COL23A1: variants seen among roughly 807,000 people sequenced by gnomAD.
COL23A1 encodes the protein collagen alpha-1(XXIII) chain.
A neutral mutation model predicts 99.3 loss-of-function variants in COL23A1; 97 were observed. The observed-to-expected ratio is 0.98, with a 90% CI of 0.83 to 1.16. The LOEUF (loss-of-function observed/expected upper bound fraction) is 1.16, where lower values mean the gene tolerates loss of function less well. Ranked by LOEUF, COL23A1 falls within the 50% of genes most tolerant of loss-of-function variation. COL23A1 has a pLI of 0.00. For missense variants in COL23A1, 762 were observed against 757.4 expected (o/e 1.01, Z -0.07); for synonymous variants, 320 against 308.2 (o/e 1.04, Z -0.40).
chr5:178,496,326 A>G (rs1167704933), intron 2 of COL23A1, among the ~76,000 whole-genome samples: 1 of 152,150 alleles, frequency 6.6e-6, no homozygotes, highest in East Asian at 1.9e-4. Flanking sequence ...AATGAAGGGA[A>G]AGGGAGGTAA....
rs375478454 is a variant in COL23A1 at position 178,571,643 on chromosome 5, A to G, written c.295-10895T>C. ...AGGAAAATAGGCCCTATGATGAACAAAAAAATTAATTAATTGAAACTGGCC... is the reference window on the plus strand; with the variant it reads ...AGGAAAATAGGCCCTATGATGAACAGAAAAATTAATTAATTGAAACTGGCC... On this transcript the variant is annotated intron_variant, in intron 1 of 28. Coordinates refer to ENST00000390654, the MANE Select transcript of COL23A1 (RefSeq NM_173465.4). 3.9e-4 allele frequency among the ~76,000 whole-genome samples: 59 copies of G among 152,310 alleles called. 2 individuals are homozygous for G. The South Asian group carries it at 0.012, about 31-fold the overall frequency.
intron 2 of COL23A1, among the ~76,000 whole-genome samples, chr5:178,429,073 G>A (rs1019187117): frequency 3.0e-4 from 46 of 152,292 alleles, no homozygotes; most frequent in African/African-American, 1.1e-3. Flanking sequence ...GGTGCGGGGA[G>A]GGCCAGGCAA....
At chr5:178,584,159 G>A (rs1481472930) in intron 1 of COL23A1, among the ~76,000 whole-genome samples, 3 of 152,260 alleles carry the variant, frequency 2.0e-5, no homozygotes, top group African/African-American at 7.2e-5. Context: ...ACAGGCACAT[G>A]TCACCATGCC....
At chr5:178,422,376 C>T (rs1431447205) in intron 2 of COL23A1, among the ~76,000 whole-genome samples, 3 of 152,182 alleles carry the variant, frequency 2.0e-5, no homozygotes, top group Admixed American at 6.5e-5. Flanking sequence ...ACGTTAGACA[C>T]GATGTCAGCC....
Position 178,359,289 on chromosome 5 carries a change from C to T in COL23A1, c.362-52370G>A, listed in dbSNP as rs545440605. Reference sequence around the variant, plus strand: ...CTGTAATCCCAGCACTTTGGGAGGCCGAGGCAGGTGGATCACTTGAGATCA... The same window carrying T: ...CTGTAATCCCAGCACTTTGGGAGGCTGAGGCAGGTGGATCACTTGAGATCA... On this transcript the variant is annotated intron_variant, in intron 2 of 28. Coordinates refer to ENST00000390654, the MANE Select transcript of COL23A1 (RefSeq NM_173465.4). 1.7e-3 allele frequency among the ~76,000 whole-genome samples: 255 copies of T among 152,236 alleles called. 2 individuals carry two copies. Among genetic ancestry groups the T allele is most frequent in the African/African-American group, 5.8e-3 (240 of 41,518 alleles).
Position 178,383,613 on chromosome 5 carries a change from C to T in COL23A1, c.362-76694G>A, listed in dbSNP as rs557239211. Among the ~76,000 whole-genome samples, 61 of 152,336 alleles carry T rather than the reference C, an allele frequency of 4.0e-4. 1 individual carries two copies. The highest frequency in any genetic ancestry group is 1.4e-3 in the African/African-American group (60 of 41,584). On this transcript the variant is annotated intron_variant, in intron 2 of 28. Coordinates refer to ENST00000390654, the MANE Select transcript of COL23A1 (RefSeq NM_173465.4). ...GGTGGGCTTGGGGTTGGAGAAGCCC[C>T]CCATCAGCCGTGACTTGTGTCCCAG...
intron 7 of COL23A1, among the ~76,000 whole-genome samples, chr5:178,268,175 G>A (rs919263362): frequency 3.3e-5 from 5 of 152,308 alleles, no homozygotes; most frequent in South Asian, 2.1e-4. Flanking sequence ...GGGAGCACCC[G>A]GCTGGCCCTG....
chr5:178,540,563 G>A (rs1761230267), intron 2 of COL23A1, among the ~76,000 whole-genome samples: 1 of 152,124 alleles, frequency 6.6e-6, no homozygotes, highest in African/African-American at 2.4e-5. Context: ...TGAATCGGAG[G>A]CCTGAAGAGT....
At chr5:178,454,934 T>TA (rs1323118589) in intron 2 of COL23A1, among the ~76,000 whole-genome samples, 1 of 152,218 alleles carries the variant, frequency 6.6e-6, no homozygotes, top group East Asian at 1.9e-4. Context: ...AGCCCCTGGC[T>TA]AGGACTGCTC....
intron 2 of COL23A1, among the ~76,000 whole-genome samples, chr5:178,504,989 G>C (rs376389431): frequency 6.6e-6 from 1 of 152,210 alleles, no homozygotes; most frequent in Non-Finnish European, 1.5e-5. Context: ...TCAGCTTCCT[G>C]GGGTGGCCAT....
chr5:178,392,498 T>C (rs1374529152), intron 2 of COL23A1, among the ~76,000 whole-genome samples: 1 of 152,242 alleles, frequency 6.6e-6, no homozygotes, highest in African/African-American at 2.4e-5. Context: ...ACCTCCAGAA[T>C]TGCCCTGGCT....
intron 2 of COL23A1, among the ~76,000 whole-genome samples, chr5:178,505,176 G>A (rs1758792680): frequency 6.6e-6 from 1 of 152,112 alleles, no homozygotes; most frequent in Non-Finnish European, 1.5e-5. Context: ...TCCTTGACTT[G>A]TAAGTGGCTT....
At chr5:178,577,981 T>TTATA (rs141291600) in intron 1 of COL23A1, among the ~76,000 whole-genome samples, 22 of 152,080 alleles carry the variant, frequency 1.4e-4, no homozygotes, top group African/African-American at 4.3e-4. Context: ...TCTGGGGACC[T>TTATA]TATAAAGTCT....
At chr5:178,469,064 T>C (rs1756595246) in intron 2 of COL23A1, among the ~76,000 whole-genome samples, 1 of 152,236 alleles carries the variant, frequency 6.6e-6, no homozygotes, top group Admixed American at 6.5e-5. Flanking sequence ...TCCGTCCATG[T>C]TGCAGCACGT....
chr5:178,551,670 G>A (rs145660304), intron 2 of COL23A1, among the ~76,000 whole-genome samples: 21 of 152,236 alleles, frequency 1.4e-4, no homozygotes, highest in African/African-American at 4.8e-4. Context: ...TCGACAGGGC[G>A]TTATCAACCC....
At chr5:178,462,777 A>T (rs1209712444) in intron 2 of COL23A1, among the ~76,000 whole-genome samples, 1 of 152,264 alleles carries the variant, frequency 6.6e-6, no homozygotes, top group East Asian at 1.9e-4. Context: ...AGATGCCTGT[A>T]GCAAAAGAAC....
chr5:178,554,600 CG>C (rs1762172362), intron 2 of COL23A1, among the ~76,000 whole-genome samples: 1 of 152,186 alleles, frequency 6.6e-6, no homozygotes, highest in African/African-American at 2.4e-5. Context: ...CAGCTATATT[CG>C]TTCTCTCTTC....
chr5:178,587,319 C>T (rs1764055309), intron 1 of COL23A1, among the ~76,000 whole-genome samples: 3 of 152,164 alleles, frequency 2.0e-5, no homozygotes, highest in South Asian at 4.1e-4. Flanking sequence ...CATGAGTTGA[C>T]ATGAATATTC....
At chr5:178,584,887 G>A (rs1763843748) in intron 1 of COL23A1, among the ~76,000 whole-genome samples, 1 of 152,170 alleles carries the variant, frequency 6.6e-6, no homozygotes. Flanking sequence ...TTCCTGCAGT[G>A]AGGGAAGTGC....
Sources: gnomAD v4.1 joint callset for allele counts (sites outside exome capture counted in the v4.1 genomes callset) on GRCh38, gnomAD v4.1.1 for gene constraint, MANE v1.5 for transcripts, NCBI Gene and HGNC (gene_info 2026-07-23, HGNC 2026-07-21) for gene names.